The following RNF150 variants were observed in gnomAD, a reference collection of about 807,000 sequenced individuals.
RNF150 encodes the protein ring finger protein 150.
Under a neutral mutation model 39.3 loss-of-function variants are expected in RNF150, and 24 were observed. The observed-to-expected ratio is 0.61, with a 90% CI of 0.44 to 0.86. The LOEUF (loss-of-function observed/expected upper bound fraction) is 0.86. Ranked by LOEUF, RNF150 falls within the 40% of genes least tolerant of loss-of-function variation. The probability of loss-of-function intolerance (pLI) is 0.00; values close to 1 mark genes in which losing one functional copy is unlikely to be tolerated. For synonymous variants in RNF150, 255 were observed against 227.3 expected (o/e 1.12, Z -1.10); for missense variants, 502 against 587.8 (o/e 0.85, Z 1.51).
At chr4:141,007,659 G>A (rs575510585) in intron 1 of RNF150, among the ~76,000 whole-genome samples, 8 of 152,202 alleles carry the variant, frequency 5.3e-5, no homozygotes, top group South Asian at 2.1e-4. Flanking sequence ...AGATTTAAAC[G>A]TTTCATTTGA....
At chr4:140,975,303 C>T (rs1243282903) in intron 1 of RNF150, among the ~76,000 whole-genome samples, 1 of 152,108 alleles carries the variant, frequency 6.6e-6, no homozygotes, top group African/African-American at 2.4e-5. Context: ...GATTTGAAAC[C>T]TAGCTATACG....
At chr4:141,089,405 C>A (rs1344747842) in intron 1 of RNF150, among the ~76,000 whole-genome samples, 1 of 152,022 alleles carries the variant, frequency 6.6e-6, no homozygotes, top group Non-Finnish European at 1.5e-5. Context: ...GGATTCCCAG[C>A]CAACTGGGGG....
intron 1 of RNF150, among the ~76,000 whole-genome samples, chr4:141,098,162 T>C (rs1173821767): frequency 6.6e-6 from 1 of 152,250 alleles, no homozygotes; most frequent in Admixed American, 6.5e-5. Context: ...AATAATGTTC[T>C]AGGTCTTCCC....
At chr4:140,872,031 A>T (rs1728968154) in intron 6 of RNF150, among the ~76,000 whole-genome samples, 1 of 152,376 alleles carries the variant, frequency 6.6e-6, no homozygotes, top group Admixed American at 6.5e-5. Context: ...TTTTAAAATA[A>T]TCTGAGGATG....
intron 6 of RNF150, among the ~76,000 whole-genome samples, chr4:140,904,607 T>C (rs62345006): frequency 0.028 from 4,217 of 152,352 alleles, 94 homozygotes; most frequent in Admixed American, 0.072. Context: ...TCTGAGTGCA[T>C]CAGTATATTT....
chr4:140,942,630 G>T (rs1350969205), intron 4 of RNF150, among the ~76,000 whole-genome samples: 3 of 152,042 alleles, frequency 2.0e-5, no homozygotes, highest in African/African-American at 7.3e-5. Context: ...GGGATGCTTG[G>T]GGCCAGAAGT....
chr4:140,883,251 C>A (rs911500052), intron 6 of RNF150, among the ~76,000 whole-genome samples: 2 of 151,860 alleles, frequency 1.3e-5, no homozygotes, highest in African/African-American at 4.8e-5. Flanking sequence ...TTTTTTTCAC[C>A]TTTGTCCTTT....
At chr4:141,096,572 C>T (rs1382902877) in intron 1 of RNF150, among the ~76,000 whole-genome samples, 2 of 152,090 alleles carry the variant, frequency 1.3e-5, no homozygotes, top group Non-Finnish European at 2.9e-5. Context: ...TTTCAAAGTG[C>T]CTCCGAAGGA....
At chr4:140,977,319 TC>T (rs892528710) in intron 1 of RNF150, among the ~76,000 whole-genome samples, 10 of 152,096 alleles carry the variant, frequency 6.6e-5, no homozygotes, top group African/African-American at 2.4e-4. Flanking sequence ...TCACTACTGC[TC>T]AGGTAGGGGC....
intron 1 of RNF150, among the ~76,000 whole-genome samples, chr4:141,007,242 A>G (rs1274431937): frequency 6.6e-6 from 1 of 152,202 alleles, no homozygotes; most frequent in East Asian, 1.9e-4. Context: ...GATTTATTGA[A>G]CATTCAAGTT....
chr4:141,203,057 T>TTATA lies in RNF150; in HGVS notation c.-6+9733_-6+9736dup, dbSNP rs746890764. 2.5e-3 allele frequency among the ~76,000 whole-genome samples: 299 copies of TTATA among 120,194 alleles called. 11 individuals are homozygous for TTATA. Among genetic ancestry groups the TTATA allele is most frequent in the African/African-American group, 8.3e-3 (250 of 30,212 alleles). 78.9% of individuals were successfully genotyped at this position (120,194 alleles called of 152,430 possible). ...TGAGTTGGGTGTCCTCTTGGAGATTTTATATATATATATATATATACACAC... is the reference window on the plus strand; with the variant it reads ...TGAGTTGGGTGTCCTCTTGGAGATTTTATATATATATATATATATATATACACAC... On this transcript the variant is annotated intron_variant, in intron 1 of 7. Coordinates refer to the RNF150 transcript ENST00000420921.
intron 1 of RNF150, among the ~76,000 whole-genome samples, chr4:141,082,142 C>A (rs1289262266): frequency 6.6e-6 from 1 of 152,240 alleles, no homozygotes. Context: ...AGTTTCTCTG[C>A]TGTTCTGAAC....
chr4:141,058,720 G>C (rs1737092204), intron 1 of RNF150, among the ~76,000 whole-genome samples: 1 of 152,144 alleles, frequency 6.6e-6, no homozygotes, highest in Admixed American at 6.6e-5. Context: ...TAAGTGTGAT[G>C]TTATAGATAA....
chr4:141,090,189 A>T (rs149793323), intron 1 of RNF150, among the ~76,000 whole-genome samples: 2 of 152,310 alleles, frequency 1.3e-5, no homozygotes, highest in Non-Finnish European at 2.9e-5. Flanking sequence ...GAAGAACATT[A>T]AGAAAAGCTT....
chr4:141,072,730 A>G (rs1451974974), intron 1 of RNF150, among the ~76,000 whole-genome samples: 1 of 152,160 alleles, frequency 6.6e-6, no homozygotes, highest in Admixed American at 6.5e-5. Flanking sequence ...ATCCCTATGA[A>G]AAGTAATTTC....
At chr4:140,981,765 G>T (rs928750705) in intron 1 of RNF150, among the ~76,000 whole-genome samples, 1 of 152,134 alleles carries the variant, frequency 6.6e-6, no homozygotes, top group Non-Finnish European at 1.5e-5. Flanking sequence ...ATTTTTTAAG[G>T]TGAGACAGAA....
chr4:141,058,142 T>G (rs1456866348), intron 1 of RNF150, among the ~76,000 whole-genome samples: 1 of 152,182 alleles, frequency 6.6e-6, no homozygotes, highest in Non-Finnish European at 1.5e-5. Context: ...ACTAAATATC[T>G]ATTTTATTTC....
At chr4:141,140,401 G>A (rs944197333) in intron 1 of RNF150, among the ~76,000 whole-genome samples, 4 of 152,050 alleles carry the variant, frequency 2.6e-5, no homozygotes, top group African/African-American at 9.7e-5. Flanking sequence ...GTCATAAAAT[G>A]TTTTGGGAGG....
intron 1 of RNF150, among the ~76,000 whole-genome samples, chr4:141,124,528 G>C (rs1473595676): frequency 6.6e-6 from 1 of 152,152 alleles, no homozygotes; most frequent in African/African-American, 2.4e-5. Flanking sequence ...ACTATTCTTT[G>C]GGTCATTTGG....
Sources: gnomAD v4.1 joint callset for allele counts (sites outside exome capture counted in the v4.1 genomes callset) on GRCh38, gnomAD v4.1.1 for gene constraint, MANE v1.5 for transcripts, NCBI Gene and HGNC (gene_info 2026-07-23, HGNC 2026-07-21) for gene names.